Variants in PJA2 observed in about 807,000 individuals in gnomAD.
PJA2 encodes the protein E3 ubiquitin-protein ligase Praja-2.
In PJA2, 25 loss-of-function variants were observed where a neutral mutation model predicts 69.3. The observed-to-expected ratio is 0.36, with a 90% CI of 0.26 to 0.50. PJA2 has a LOEUF of 0.50. PJA2 is among the 20% of genes least tolerant of loss of function. The pLI, the probability that PJA2 is intolerant of heterozygous loss-of-function variation, is 0.96. For synonymous variants in PJA2, 308 were observed against 277.8 expected, an observed-to-expected ratio of 1.11 and a Z score of -1.08; for missense variants, 809 against 830.2, an observed-to-expected ratio of 0.97 and a Z score of 0.31.
intron 3 of PJA2, 52 bp downstream of exon 3, chr5:109,381,451 A>T: frequency 1.3e-6 from 2 of 1,493,164 alleles, no homozygotes; most frequent in Non-Finnish European, 1.8e-6. Context: ...TAATTATAAG[A>T]TCAATTCCTA....
intron 1 of PJA2, among the ~76,000 whole-genome samples, chr5:109,398,349 C>G (rs7715145): frequency 0.11 from 16,215 of 152,006 alleles, 1,633 homozygotes; most frequent in African/African-American, 0.27. Context: ...CGGCACTATT[C>G]ACAATAGCAT....
chr5:109,363,859 A>C (rs941052616), intron 5 of PJA2, among the ~76,000 whole-genome samples: 1 of 152,198 alleles, frequency 6.6e-6, no homozygotes, highest in Non-Finnish European at 1.5e-5. Flanking sequence ...AAGAAAAAAA[A>C]GGACTCATTA....
In PJA2 at chr5:109,409,405, G is replaced by A. The variant is rs184228880; in HGVS notation, c.-88+437C>T. The A allele has an allele frequency of 2.9e-3, 439 of 152,686 alleles. 6 individuals are homozygous for A. Among genetic ancestry groups the A allele is most frequent in the Admixed American group, 0.021 (324 of 15,314 alleles). 9.5% of individuals were successfully genotyped at this position (152,686 alleles called of 1,614,324 possible). On this transcript the variant is annotated intron_variant, in intron 1 of 9. Coordinates refer to ENST00000361189, the MANE Select transcript of PJA2 (RefSeq NM_014819.5). ...CGTAAGATGGTTCCGCTCTACGCGG[G>A]GTGACGGGAAACCGCAGAAGGTGGG...
intron 9 of PJA2, among the ~76,000 whole-genome samples, chr5:109,343,744 T>G (rs1392278392): frequency 6.6e-6 from 1 of 152,196 alleles, no homozygotes; most frequent in Non-Finnish European, 1.5e-5. Context: ...GCAATCAGGT[T>G]TTTAACAATG....
chr5:109,370,917 A>C (rs1478266990), intron 4 of PJA2, among the ~76,000 whole-genome samples: 1 of 152,180 alleles, frequency 6.6e-6, no homozygotes, highest in Non-Finnish European at 1.5e-5. Context: ...TCACTTTTCC[A>C]TATTAATCAA....
chr5:109,378,588 T>G lies in PJA2; in HGVS notation c.899A>C (p.Asn300Thr), dbSNP rs201297581. The G allele has an allele frequency of 6.2e-7, 1 of 1,614,068 alleles. No homozygotes were observed. The highest frequency in any genetic ancestry group is 1.1e-5 in the South Asian group (1 of 91,090). The part of the protein sequence containing the change: ...PGHICSEQNT[N>T]DREKNHGSSP... ...ACTTCCATGGTTCTTTTCCCTATCA[T>G]TGGTATTTTGTTCACTACAAATATG... Residue 300 changes from asparagine to threonine, a missense_variant, in exon 4 of 10, where the codon AAT becomes ACT. This residue lies in a region of PJA2 where 700 missense variants were observed against 639.5 expected (regional missense o/e 1.09). Transcript: ENST00000361189.
At position 109,337,263 on chromosome 5, in the gene PJA2, G is replaced by C. The variant is rs1400460502; in HGVS notation, c.2095C>G (p.Pro699Ala). ...GCTTCTGCAATACTGTCATTTGAAG[G>C]TGGGGCATCAGGATCAGGCTCAGAG... ...PSSEPDPDAP[P>A]SNDSIAEAP Residue 699 changes from proline (P) to alanine (A), a missense_variant, in exon 10 of 10, where the codon CCT (proline) becomes GCT (alanine). By Grantham distance (27) the Pro-to-Ala change is conservative. This residue lies in a region of PJA2 where 35 missense variants were observed against 37.0 expected (regional missense o/e 0.94). Transcript: ENST00000361189. 9 of 1,613,688 alleles carry C rather than the reference G, an allele frequency of 5.6e-6. No homozygotes were observed. Among genetic ancestry groups the C allele is most frequent in the Non-Finnish European group, 7.6e-6 (9 of 1,179,918 alleles).
chr5:109,371,366 T>A (rs796836104), intron 4 of PJA2, among the ~76,000 whole-genome samples: 5 of 152,328 alleles, frequency 3.3e-5, no homozygotes, highest in African/African-American at 1.2e-4. Flanking sequence ...TGAATCCCTA[T>A]CTTGATTTGT....
In PJA2 at chr5:109,354,112, T is replaced by C. The variant is rs1474404835; in HGVS notation, c.1764+1803A>G. Among the ~76,000 whole-genome samples the C allele has an allele frequency of 1.6e-4, 17 of 103,808 alleles. 2 individuals carry two copies. The highest frequency in any genetic ancestry group is 8.7e-5 in the Non-Finnish European group (4 of 45,984). The allele number at this position is 103,808 out of a possible 152,430, so 68.1% of individuals were successfully genotyped here. A position where few individuals can be genotyped will look rare whatever the true frequency, so the allele number is the denominator to read the frequency against. On this transcript the variant is annotated intron_variant, in intron 7 of 9. Transcript: ENST00000361189. The stretch of plus-strand genomic sequence containing the variant: ...TCTATATCTAGAGATATCTATAGAT[T>C]AGATATCTATGGTATCTAGAGCTGT...
chr5:109,346,833 AG>A (rs1762178281), intron 7 of PJA2, among the ~76,000 whole-genome samples: 1 of 152,242 alleles, frequency 6.6e-6, no homozygotes, highest in South Asian at 2.1e-4. Context: ...AAAAAACTGT[AG>A]CAATAGTAAA....
At chr5:109,403,158 T>A (rs1747599807) in intron 1 of PJA2, among the ~76,000 whole-genome samples, 1 of 151,684 alleles carries the variant, frequency 6.6e-6, no homozygotes, top group East Asian at 1.9e-4. Context: ...ATAACAAGAA[T>A]GAAAGGAAAG....
intron 4 of PJA2, 93 bp downstream of exon 4, chr5:109,378,111 A>C: frequency 1.2e-6 from 1 of 868,728 alleles, no homozygotes; most frequent in Non-Finnish European, 1.8e-6. Flanking sequence ...TAATTCCCTG[A>C]TCATATCAAA....
chr5:109,339,979 G>C (rs1475242731), intron 9 of PJA2, among the ~76,000 whole-genome samples: 2 of 152,140 alleles, frequency 1.3e-5, no homozygotes, highest in African/African-American at 4.8e-5. Context: ...AACTAATTCA[G>C]AATCCAGCAT....
At chr5:109,364,813 A>G (rs1762561022) in intron 5 of PJA2, among the ~76,000 whole-genome samples, 1 of 151,988 alleles carries the variant, frequency 6.6e-6, no homozygotes, top group South Asian at 2.1e-4. Context: ...ATATATATCA[A>G]CAGAAAGGAG....
intron 1 of PJA2, among the ~76,000 whole-genome samples, chr5:109,396,422 CTTTTTTTTTTTTTT>C (rs35744917): frequency 1.2e-5 from 1 of 85,264 alleles, no homozygotes; most frequent in Non-Finnish European, 2.3e-5. Context: ...ATGTAAAGTT[CTTTTTTTTTTTTTT>C]TTTTTTTTGA....
At chr5:109,362,435 T>A (rs1444169137) in intron 6 of PJA2, among the ~76,000 whole-genome samples, 1 of 152,150 alleles carries the variant, frequency 6.6e-6, no homozygotes, top group African/African-American at 2.4e-5. Flanking sequence ...AAAGGAAGAA[T>A]AGGGAAGGAG....
chr5:109,353,243 T>A (rs1217651404), intron 7 of PJA2, among the ~76,000 whole-genome samples: 1 of 141,838 alleles, frequency 7.1e-6, no homozygotes, highest in African/African-American at 2.5e-5. Context: ...ACCTATAATA[T>A]CTATAGATAT....
intron 1 of PJA2, among the ~76,000 whole-genome samples, chr5:109,385,855 T>C (rs924784903): frequency 6.6e-6 from 1 of 152,236 alleles, no homozygotes; most frequent in African/African-American, 2.4e-5. Flanking sequence ...GGGGATGACA[T>C]CCAAGTCTAA....
chr5:109,361,364 T>A (rs1425597570), intron 6 of PJA2, among the ~76,000 whole-genome samples: 1 of 152,202 alleles, frequency 6.6e-6, no homozygotes, highest in Admixed American at 6.5e-5. Flanking sequence ...GTCAATAATC[T>A]GTTAAATCTT....
Sources: allele counts gnomAD v4.1 joint callset (sites outside exome capture counted in the v4.1 genomes callset), GRCh38; gene constraint gnomAD v4.1.1; regional missense constraint gnomAD v4.1.1; transcripts MANE v1.5; gene names NCBI Gene and HGNC (gene_info 2026-07-23, HGNC 2026-07-21).